FOXO3: variants seen among roughly 807,000 people sequenced by gnomAD.
The protein encoded by FOXO3 is forkhead box O3.
FOXO3 carries 4 observed loss-of-function variants against 41.9 expected under a neutral mutation model. The ratio of observed to expected loss-of-function variants is 0.10; its 90% CI spans 0.05 to 0.22. The LOEUF (loss-of-function observed/expected upper bound fraction) is 0.22. FOXO3 is among the 10% of genes least tolerant of loss of function. The pLI, the probability that FOXO3 is intolerant of heterozygous loss-of-function variation, is 1.00. For synonymous variants in FOXO3, 318 were observed against 389.3 expected, an observed-to-expected ratio of 0.82 and a Z score of 2.16; for missense variants, 534 against 906.8, an observed-to-expected ratio of 0.59 and a Z score of 5.28.
At chr6:108,634,493 C>T (rs1778061937) in intron 1 of FOXO3, among the ~76,000 whole-genome samples, 1 of 152,112 alleles carries the variant, frequency 6.6e-6, no homozygotes, top group Non-Finnish European at 1.5e-5. Context: ...TCCTCTTTGC[C>T]TGTTTGATCC....
intron 2 of FOXO3, among the ~76,000 whole-genome samples, chr6:108,673,130 G>T (rs1235338193): frequency 6.6e-6 from 1 of 152,200 alleles, no homozygotes; most frequent in Non-Finnish European, 1.5e-5. Context: ...TAGACCTGTT[G>T]GAAGGTGACC....
chr6:108,676,765 C>T (rs949005583), intron 2 of FOXO3, among the ~76,000 whole-genome samples: 7 of 152,164 alleles, frequency 4.6e-5, no homozygotes, highest in Non-Finnish European at 7.3e-5. Context: ...CTCTTTCTGT[C>T]CTTGATTGAA....
intron 1 of FOXO3, among the ~76,000 whole-genome samples, chr6:108,646,550 A>T (rs966628145): frequency 6.6e-6 from 1 of 152,216 alleles, no homozygotes; most frequent in Admixed American, 6.5e-5. Flanking sequence ...TTGAAGCATG[A>T]GTATAACTTC....
intron 1 of FOXO3, among the ~76,000 whole-genome samples, chr6:108,588,736 T>C (rs994583987): frequency 1.3e-5 from 2 of 152,196 alleles, no homozygotes; most frequent in African/African-American, 4.8e-5. Context: ...TATAGTAGGC[T>C]GGAGAAACAG....
chr6:108,651,156 T>C (rs1778539403), intron 1 of FOXO3, among the ~76,000 whole-genome samples: 1 of 152,252 alleles, frequency 6.6e-6, no homozygotes, highest in Admixed American at 6.5e-5. Flanking sequence ...TGCATCGTAC[T>C]CTTTATTTCC....
At chr6:108,645,837 T>A (rs1033508514) in intron 1 of FOXO3, among the ~76,000 whole-genome samples, 7 of 152,194 alleles carry the variant, frequency 4.6e-5, no homozygotes, top group African/African-American at 1.7e-4. Context: ...TTATAATTTT[T>A]AAAAAATCTA....
At chr6:108,562,610 T>TG (rs1322031303) in intron 1 of FOXO3, among the ~76,000 whole-genome samples, 1 of 151,962 alleles carries the variant, frequency 6.6e-6, no homozygotes, top group Non-Finnish European at 1.5e-5. Context: ...GGCTCTGGTG[T>TG]GGGGGACGCG....
intron 1 of FOXO3, among the ~76,000 whole-genome samples, chr6:108,600,364 G>A (rs1777013903): frequency 6.6e-6 from 1 of 151,834 alleles, no homozygotes; most frequent in African/African-American, 2.4e-5. Flanking sequence ...TGGCCAACAT[G>A]GTGAAACCCC....
intron 2 of FOXO3, among the ~76,000 whole-genome samples, chr6:108,668,420 C>T (rs1779118505): frequency 6.6e-6 from 1 of 152,140 alleles, no homozygotes; most frequent in Non-Finnish European, 1.5e-5. Flanking sequence ...CTCAGGTGTT[C>T]ATAAAGCTTG....
chr6:108,574,501 A>G (rs1216203322), intron 1 of FOXO3, among the ~76,000 whole-genome samples: 1 of 152,220 alleles, frequency 6.6e-6, no homozygotes, highest in East Asian at 1.9e-4. Flanking sequence ...AACATTTACA[A>G]GGAGTTCTTG....
chr6:108,649,517 T>C (rs974935076), intron 1 of FOXO3, among the ~76,000 whole-genome samples: 2 of 124,400 alleles, frequency 1.6e-5, no homozygotes, highest in Non-Finnish European at 3.3e-5. Context: ...ACCCTCAGCT[T>C]TTTTTTTTTT....
chr6:108,655,114 G>A (rs2128383955), intron 1 of FOXO3, among the ~76,000 whole-genome samples: 1 of 152,264 alleles, frequency 6.6e-6, no homozygotes, highest in African/African-American at 2.4e-5. Flanking sequence ...TCAATTCCTA[G>A]TTTTGTGAAA....
intron 1 of FOXO3, among the ~76,000 whole-genome samples, chr6:108,607,604 A>G (rs1264334026): frequency 6.6e-6 from 1 of 152,086 alleles, no homozygotes; most frequent in Non-Finnish European, 1.5e-5. Flanking sequence ...CTCTGTTTAG[A>G]TGTCTAGATG....
At chr6:108,671,304 G>C (rs1779209605) in intron 2 of FOXO3, among the ~76,000 whole-genome samples, 1 of 152,218 alleles carries the variant, frequency 6.6e-6, no homozygotes, top group Non-Finnish European at 1.5e-5. Flanking sequence ...GAGCTGGTGA[G>C]TTCATCACGG....
chr6:108,659,011 A>G (rs181071035), intron 1 of FOXO3, among the ~76,000 whole-genome samples: 2 of 152,164 alleles, frequency 1.3e-5, no homozygotes, highest in East Asian at 3.9e-4. Flanking sequence ...CAGCCTCCCC[A>G]GTAGCTGTGA....
intron 1 of FOXO3, among the ~76,000 whole-genome samples, chr6:108,640,993 A>G (rs933573975): frequency 6.6e-6 from 1 of 152,070 alleles, no homozygotes; most frequent in Non-Finnish European, 1.5e-5. Flanking sequence ...GGCTCACTGC[A>G]TCCTGTGTCT....
intron 2 of FOXO3, among the ~76,000 whole-genome samples, chr6:108,679,205 A>T (rs1236806394): frequency 6.6e-6 from 1 of 152,080 alleles, no homozygotes; most frequent in Non-Finnish European, 1.5e-5. Flanking sequence ...CCGCTTAGTA[A>T]TTACTTACTC....
At chr6:108,606,286 A>T (rs567627148) in intron 1 of FOXO3, among the ~76,000 whole-genome samples, 1 of 152,300 alleles carries the variant, frequency 6.6e-6, no homozygotes, top group East Asian at 1.9e-4. Flanking sequence ...GTCTCTCTGA[A>T]TCCAGTTCCA....
chr6:108,598,537 G>A (rs553322790), intron 1 of FOXO3, among the ~76,000 whole-genome samples: 5 of 151,830 alleles, frequency 3.3e-5, no homozygotes, highest in African/African-American at 4.8e-5. Flanking sequence ...GGGAAATGGA[G>A]GGAAAAAAAA....
Sources: gnomAD v4.1 joint callset for allele counts (sites outside exome capture counted in the v4.1 genomes callset) on GRCh38, gnomAD v4.1.1 for gene constraint, MANE v1.5 for transcripts, NCBI Gene and HGNC (gene_info 2026-07-23, HGNC 2026-07-21) for gene names.